ESRRG: variants seen among roughly 807,000 people sequenced by gnomAD.
ESRRG encodes the protein estrogen-related receptor gamma.
ESRRG carries 13 observed loss-of-function variants against 44.0 expected under a neutral mutation model. That is an observed-to-expected ratio of 0.30 (90% CI 0.19 to 0.47). The LOEUF is 0.47. Among genes scored for constraint, ESRRG ranks in the 20% least tolerant of loss-of-function variants. The pLI is 1.00. For missense variants in ESRRG, 395 were observed against 580.6 expected (o/e 0.68, Z 3.29); for synonymous variants, 215 against 214.6 (o/e 1.00, Z -0.02).
chr1:217,136,568 C>T (rs1292018588), intron 1 of ESRRG, among the ~76,000 whole-genome samples: 1 of 152,146 alleles, frequency 6.6e-6, no homozygotes, highest in Non-Finnish European at 1.5e-5. Flanking sequence ...TCACCCCGCA[C>T]GCCCTCACCC....
chr1:216,514,984 AC>A (rs1558191037), intron 6 of ESRRG, among the ~76,000 whole-genome samples: 5 of 151,510 alleles, frequency 3.3e-5, no homozygotes, highest in African/African-American at 9.7e-5. Flanking sequence ...ACACACACAC[AC>A]AACACACACT....
chr1:216,552,253 A>G (rs1312821959), intron 5 of ESRRG, among the ~76,000 whole-genome samples: 2 of 152,292 alleles, frequency 1.3e-5, no homozygotes, highest in African/African-American at 2.4e-5. Flanking sequence ...TTAAGATGAT[A>G]ATTTTTAAAT....
intron 1 of ESRRG, among the ~76,000 whole-genome samples, chr1:216,944,707 A>G (rs11572482): frequency 2.0e-5 from 3 of 152,216 alleles, no homozygotes; most frequent in African/African-American, 4.8e-5. Context: ...GAATCACAAT[A>G]GACCAGTCTA....
chr1:216,609,389 T>C (rs1032818565), intron 3 of ESRRG, among the ~76,000 whole-genome samples: 7 of 152,218 alleles, frequency 4.6e-5, no homozygotes, highest in Non-Finnish European at 1.0e-4. Context: ...TATTCTGTAC[T>C]TGTCTCAGGA....
chr1:216,916,728 C>G (rs1049202126), intron 2 of ESRRG, among the ~76,000 whole-genome samples: 2 of 151,852 alleles, frequency 1.3e-5, no homozygotes, highest in Admixed American at 6.6e-5. Flanking sequence ...CCACGGGATC[C>G]CATTCCTCCA....
chr1:217,136,405 G>A (rs563543609), intron 1 of ESRRG, among the ~76,000 whole-genome samples: 6 of 152,328 alleles, frequency 3.9e-5, no homozygotes, highest in East Asian at 3.9e-4. Flanking sequence ...AACCCACTCA[G>A]CAACTTTACT....
At chr1:217,092,184 A>T (rs1455836174), upstream of ESRRG, among the ~76,000 whole-genome samples, 1 of 152,206 alleles carries the variant, frequency 6.6e-6, no homozygotes, top group Non-Finnish European at 1.5e-5. Flanking sequence ...TCTGTTGCTT[A>T]TTCAAGTTCA....
chr1:216,908,528 A>G (rs761816705), intron 2 of ESRRG, among the ~76,000 whole-genome samples: 1 of 152,176 alleles, frequency 6.6e-6, no homozygotes, highest in Non-Finnish European at 1.5e-5. Flanking sequence ...GGACCATAAT[A>G]TAGGTATTGT....
At chr1:216,521,741 G>C (rs1366247841) in intron 5 of ESRRG, among the ~76,000 whole-genome samples, 1 of 152,104 alleles carries the variant, frequency 6.6e-6, no homozygotes, top group African/African-American at 2.4e-5. Context: ...TTTTTATTGA[G>C]GTCCATCCAC....
intron 2 of ESRRG, among the ~76,000 whole-genome samples, chr1:216,867,743 C>T (rs182106247): frequency 1.9e-4 from 29 of 152,206 alleles, no homozygotes; most frequent in Admixed American, 1.0e-3. Context: ...TTTTTCTTAT[C>T]AGTGTAAAAA....
intron 2 of ESRRG, among the ~76,000 whole-genome samples, chr1:216,867,125 G>A (rs867212022): frequency 1.6e-4 from 24 of 152,268 alleles, no homozygotes; most frequent in Admixed American, 1.4e-3. Flanking sequence ...ATGGTCTCAG[G>A]AAGTATATTA....
chr1:216,554,463 A>T (rs2149423550), intron 5 of ESRRG, among the ~76,000 whole-genome samples: 1 of 151,498 alleles, frequency 6.6e-6, no homozygotes, highest in Non-Finnish European at 1.5e-5. Flanking sequence ...AAAAAAAAAA[A>T]AACAAACCAA....
intron 2 of ESRRG, among the ~76,000 whole-genome samples, chr1:216,782,714 T>A (rs2093980128): frequency 6.6e-6 from 1 of 152,060 alleles, no homozygotes; most frequent in South Asian, 2.1e-4. Flanking sequence ...CTAATGATCG[T>A]CATTAATGAA....
chr1:217,063,319 T>C (rs1397704156), intron 1 of ESRRG, among the ~76,000 whole-genome samples: 1 of 152,206 alleles, frequency 6.6e-6, no homozygotes, highest in Non-Finnish European at 1.5e-5. Flanking sequence ...ATCCAGGGTA[T>C]AGATATGTTC....
chr1:216,578,780 A>T (rs1030107598), intron 3 of ESRRG, among the ~76,000 whole-genome samples: 1 of 152,128 alleles, frequency 6.6e-6, no homozygotes, highest in Non-Finnish European at 1.5e-5. Flanking sequence ...AATTGAAAAG[A>T]AAAGCACAAA....
At chr1:216,656,060 C>A (rs973756937) in intron 2 of ESRRG, among the ~76,000 whole-genome samples, 5 of 152,130 alleles carry the variant, frequency 3.3e-5, no homozygotes, top group African/African-American at 1.2e-4. Context: ...GTTTTCCTTC[C>A]ATTCTCTAAA....
At chr1:216,796,478 T>G (rs931037258) in intron 2 of ESRRG, among the ~76,000 whole-genome samples, 2 of 152,174 alleles carry the variant, frequency 1.3e-5, no homozygotes, top group Non-Finnish European at 2.9e-5. Context: ...ACAGTTCCTA[T>G]CTTTGCATCT....
intron 1 of ESRRG, among the ~76,000 whole-genome samples, chr1:216,943,054 CA>C (rs5780947): frequency 0.66 from 99,791 of 151,538 alleles, 35,060 homozygotes; most frequent in Middle Eastern, 0.81. Flanking sequence ...AAACTTATTA[CA>C]AAAAAAAATA....
intron 3 of ESRRG, among the ~76,000 whole-genome samples, chr1:216,626,761 T>C (rs1232519686): frequency 2.6e-5 from 4 of 152,196 alleles, no homozygotes; most frequent in Non-Finnish European, 5.9e-5. Flanking sequence ...TTGCAGGAGG[T>C]TCCTCGCTGG....
Sources: allele counts gnomAD v4.1 joint callset (sites outside exome capture counted in the v4.1 genomes callset), GRCh38; gene constraint gnomAD v4.1.1; transcripts MANE v1.5; gene names NCBI Gene and HGNC (gene_info 2026-07-23, HGNC 2026-07-21).